The following NPC1 variants were observed in gnomAD, a reference collection of about 807,000 sequenced individuals.
NPC1 encodes NPC intracellular cholesterol transporter 1, also known as Niemann-Pick C1 protein.
Under a neutral mutation model 140.4 loss-of-function variants are expected in NPC1, and 85 were observed. The ratio of observed to expected loss-of-function variants is 0.61; its 90% CI spans 0.51 to 0.72. The LOEUF is 0.72. Ranked by LOEUF, NPC1 falls within the 30% of genes least tolerant of loss-of-function variation. The pLI is 0.00. For synonymous variants in NPC1, 656 were observed against 624.8 expected (o/e 1.05, Z -0.74); for missense variants, 1,504 against 1,623.8 (o/e 0.93, Z 1.27).
chr18:23,579,940 T>C (rs1427016476), intron 1 of NPC1, among the ~76,000 whole-genome samples: 2 of 151,032 alleles, frequency 1.3e-5, no homozygotes, highest in Admixed American at 6.6e-5. Context: ...AACTGCTAAA[T>C]TGGACCCCAT....
rs61731965 is a variant in NPC1 at position 23,556,603 on chromosome 18, G to C, written c.966C>G (p.Ser322=). 44 of 1,613,962 alleles carry C rather than the reference G, an allele frequency of 2.7e-5. No individual in the cohort carries two copies. The highest frequency in any genetic ancestry group is 3.5e-5 in the Non-Finnish European group (41 of 1,179,990). The change falls in exon 8 of 25, where the codon TCC becomes TCG. Residue 322 remains serine (S), a synonymous_variant. Transcript: ENST00000269228. ...SVNASDKGEA[S]CCDPVSAAFE... ...ATGCTGCGCTGACAGGGTCACAGCA[G>C]GACGCCTCTCCTGGAAGAACGGGAG...
chr18:23,576,330 A>G (rs1223053242), intron 1 of NPC1, among the ~76,000 whole-genome samples: 2 of 152,098 alleles, frequency 1.3e-5, no homozygotes, highest in African/African-American at 4.8e-5. Flanking sequence ...CTGAGCTGGG[A>G]AGATCAGCTT....
chr18:23,563,803 T>C (rs1002411156), intron 4 of NPC1, among the ~76,000 whole-genome samples: 1 of 152,168 alleles, frequency 6.6e-6, no homozygotes, highest in Non-Finnish European at 1.5e-5. Context: ...ATTCTAGCCA[T>C]CCTGGTGGGT....
chr18:23,528,991 T>C, downstream of NPC1: 1 of 870,624 alleles, frequency 1.1e-6, no homozygotes. Context: ...GGGATTCTCC[T>C]GCCTCAGCCT....
In NPC1 at chr18:23,560,279, G is replaced by A. The variant is rs751947520; in HGVS notation, c.833C>T (p.Ala278Val). Reference sequence around the variant, plus strand: ...TGCTCCAAAAAACACAAGCAAAAACGCCATGTAGGTGATCCACATGATGAC... The same window carrying A: ...TGCTCCAAAAAACACAAGCAAAAACACCATGTAGGTGATCCACATGATGAC... ...MYVIMWITYM[A>V]FLLVFFGAFF... The change falls in exon 6 of 25, where the codon GCG becomes GTG. Residue 278 changes from alanine to valine, a missense_variant. Physicochemically the swap from Ala to Val is moderately conservative, Grantham distance 64 (BLOSUM62 0). Transcript: ENST00000269228. 27 of 1,613,998 alleles carry A rather than the reference G, an allele frequency of 1.7e-5. No homozygotes were observed. The highest frequency in any genetic ancestry group is 6.7e-5 in the Admixed American group (4 of 59,998).
At chr18:23,577,692 C>T (rs577782648) in intron 1 of NPC1, among the ~76,000 whole-genome samples, 35 of 152,254 alleles carry the variant, frequency 2.3e-4, no homozygotes, top group Non-Finnish European at 2.5e-4. Context: ...TGGCGCTCGT[C>T]GGGGAGGCTC....
intron 5 of NPC1, among the ~76,000 whole-genome samples, chr18:23,560,702 G>A (rs1341674341): frequency 2.0e-5 from 3 of 152,140 alleles, no homozygotes; most frequent in East Asian, 1.9e-4. Flanking sequence ...CACTGATAGA[G>A]GAATCCTCCA....
In NPC1 at chr18:23,586,445, G is replaced by T; in HGVS notation, c.-102C>A. ...GGCTGTTTCAGCACCCCGCGCAGGAGGAGCGGAGGAGCAGGAGCAGGCGCT... is the reference window on the plus strand; with the variant it reads ...GGCTGTTTCAGCACCCCGCGCAGGATGAGCGGAGGAGCAGGAGCAGGCGCT... On this transcript the variant is annotated 5_prime_UTR_variant, in exon 1 of 25. Transcript: ENST00000269228. 6.7e-7 allele frequency: 1 copy of T among 1,502,278 alleles called. No individual in the cohort carries two copies. Among genetic ancestry groups the T allele is most frequent in the Non-Finnish European group, 8.8e-7 (1 of 1,131,970 alleles). The allele number at this position is 1,502,278 out of a possible 1,614,324, so 93.1% of individuals were successfully genotyped here. A position where few individuals can be genotyped will look rare whatever the true frequency, so the allele number is the denominator to read the frequency against.
rs560122245 is a variant in NPC1, at chr18:23,539,894, C to A, written c.2712G>T (p.Gly904=). Reference sequence around the variant, plus strand: ...CCATGCCGCCGCACACCATGTTCTGCCCCTTGGAAGAAGTGTAGTCGTGCC... The same window carrying A: ...CCATGCCGCCGCACACCATGTTCTGACCCTTGGAAGAAGTGTAGTCGTGCC... ...EEGHDYTSSK[G]QNMVCGGMGC... The change falls in exon 18 of 25, where the codon GGG becomes GGT. Residue 904 remains glycine (G), a synonymous_variant. Coordinates refer to ENST00000269228, the MANE Select transcript of NPC1 (RefSeq NM_000271.5). The A allele has an allele frequency of 3.7e-6, 6 of 1,614,148 alleles. 1 individual carries two copies. The South Asian group carries it at 4.4e-5, about 12-fold the overall frequency.
At chr18:23,562,557 AG>A (rs2059058948) in intron 4 of NPC1, among the ~76,000 whole-genome samples, 1 of 152,130 alleles carries the variant, frequency 6.6e-6, no homozygotes, top group African/African-American at 2.4e-5. Context: ...CAGGTTAACT[AG>A]GGTGACAGTC....
At position 23,556,653 on chromosome 18, in the gene NPC1, G is replaced by A. The variant is rs1405629529; in HGVS notation, c.956-40C>T. 4 of 1,610,076 alleles carry A rather than the reference G, an allele frequency of 2.5e-6. No homozygotes were observed. The Admixed American group carries it at 6.7e-5, about 27-fold the overall frequency. ...GAGGAAGGGAAGGTGGAGGTTAAGA[G>A]CCAAGCCGTTCCTGAAAGTCGGAAC... On this transcript the variant is annotated intron_variant, in intron 7 of 24. Coordinates refer to ENST00000269228, the MANE Select transcript of NPC1 (RefSeq NM_000271.5).
At chr18:23,583,595 G>A (rs975386032) in intron 1 of NPC1, among the ~76,000 whole-genome samples, 1 of 151,950 alleles carries the variant, frequency 6.6e-6, no homozygotes, top group Admixed American at 6.6e-5. Flanking sequence ...CGAGATCAGA[G>A]ATGACTGATC....
chr18:23,568,776 T>C (rs1322674715), intron 4 of NPC1, 47 bp downstream of exon 4: 13 of 1,484,844 alleles, frequency 8.8e-6, no homozygotes, highest in African/African-American at 1.4e-5. Flanking sequence ...TTTGCTCTGC[T>C]GTCCTGATGC....
chr18:23,524,634 T>G, downstream of NPC1: 1 of 698,056 alleles, frequency 1.4e-6, no homozygotes, highest in Non-Finnish European at 2.4e-6. Context: ...ACTTTATACG[T>G]TTTTTACTAT....
intron 23 of NPC1, chr18:23,534,133 G>A (rs1476954697): frequency 1.4e-5 from 7 of 496,338 alleles, no homozygotes; most frequent in Non-Finnish European, 2.2e-5. Context: ...GGCACCAACC[G>A]CACATCACAC....
chr18:23,540,455 A>G lies in NPC1; in HGVS notation c.2597T>C (p.Met866Thr), dbSNP rs1181604094. The part of the protein sequence containing the change: ...VDIGLDQSLS[M>T]PDDSYMVDYF... ...AAAAGGAAGTCATCTTACATCTGGC[A>G]TCGAAAGAGACTGATCCAATCCAAT... The change falls in exon 17 of 25, where the codon ATG becomes ACG. Residue 866 changes from methionine (M) to threonine (T), a missense_variant. Met to Thr is a moderately conservative substitution (Grantham distance 81). Coordinates refer to ENST00000269228, the MANE Select transcript of NPC1 (RefSeq NM_000271.5). The G allele has an allele frequency of 6.3e-7, 1 of 1,596,996 alleles. No homozygotes were observed. Among genetic ancestry groups the G allele is most frequent in the Non-Finnish European group, 8.6e-7 (1 of 1,165,696 alleles).
At chr18:23,511,675 T>C (rs1417223817) in intron 3 of NPC1, among the ~76,000 whole-genome samples, 3 of 151,374 alleles carry the variant, frequency 2.0e-5, no homozygotes, top group East Asian at 3.9e-4. Flanking sequence ...TTGTCCAAAG[T>C]GTATCTTGGA....
At chr18:23,524,215 A>G (rs753032782) in intron 1 of NPC1, 4 of 1,608,196 alleles carry the variant, frequency 2.5e-6, no homozygotes, top group Non-Finnish European at 3.4e-6. Flanking sequence ...CAACAGGGCA[A>G]GTGGTCACCC....
rs71163619 is a variant in NPC1, at chr18:23,563,987, G to GTTTTTTTT, written c.464-2468_464-2461dup. Among the ~76,000 whole-genome samples, 48 of 102,570 alleles carry GTTTTTTTT rather than the reference G, an allele frequency of 4.7e-4. 3 individuals carry two copies. The highest frequency in any genetic ancestry group is 0.014 in the Middle Eastern group (2 of 148). The allele number at this position is 102,570 out of a possible 152,430, so 67.3% of individuals were successfully genotyped here. A position where few individuals can be genotyped will look rare whatever the true frequency, so the allele number is the denominator to read the frequency against. On this transcript the variant is annotated intron_variant, in intron 4 of 24. Transcript: ENST00000269228. ...ATTTATTTATCATTGAGTAGTAAGA[G>GTTTTTTTT]TTTTTTTTTTTTTTTTTTGGAGATG... is the stretch of plus-strand genomic sequence containing the variant.
Sources: allele counts gnomAD v4.1 joint callset (sites outside exome capture counted in the v4.1 genomes callset), GRCh38; gene constraint gnomAD v4.1.1; transcripts MANE v1.5; gene names NCBI Gene and HGNC (gene_info 2026-07-23, HGNC 2026-07-21).